Variants in CAPN13 observed in about 807,000 individuals in gnomAD.
The protein encoded by CAPN13 is calpain 13.
A neutral mutation model predicts 98.4 loss-of-function variants in CAPN13; 90 were observed. The ratio of observed to expected loss-of-function variants is 0.92; its 90% CI spans 0.77 to 1.09. CAPN13 has a LOEUF of 1.09. Among genes scored for constraint, CAPN13 ranks in the 50% least tolerant of loss-of-function variants. The pLI, the probability that CAPN13 is intolerant of heterozygous loss-of-function variation, is 0.00. For synonymous variants in CAPN13, 330 were observed against 305.5 expected (o/e 1.08, Z -0.84); for missense variants, 887 against 841.3 (o/e 1.05, Z -0.67).
chr2:30,723,498 A>G (rs1473937682), intron 22 of CAPN13, among the ~76,000 whole-genome samples: 1 of 152,096 alleles, frequency 6.6e-6, no homozygotes, highest in Non-Finnish European at 1.5e-5. Context: ...GCTTGAGTTC[A>G]TATCATAGCC....
intron 19 of CAPN13, 105 bp downstream of exon 19, chr2:30,734,344 T>C (rs1671248194): frequency 1.2e-6 from 1 of 849,170 alleles, no homozygotes; most frequent in South Asian, 1.5e-5. Flanking sequence ...AGCGCTCCTC[T>C]CTCCTGATTG....
chr2:30,754,181 T>A (rs1199663148), intron 9 of CAPN13, 109 bp downstream of exon 9: 2 of 823,482 alleles, frequency 2.4e-6, no homozygotes, highest in Non-Finnish European at 3.6e-6. Flanking sequence ...TCTAAACAGG[T>A]CTCTGCAAAG....
chr2:30,744,557 G>A (rs575849663), intron 12 of CAPN13, among the ~76,000 whole-genome samples: 19 of 152,154 alleles, frequency 1.2e-4, no homozygotes, highest in African/African-American at 1.9e-4. Flanking sequence ...GAGGCAGTGG[G>A]CATGCAGAGG....
chr2:30,738,513 C>T (rs534938595), intron 15 of CAPN13, 56 bp from the exon 16 acceptor site: 2 of 1,521,480 alleles, frequency 1.3e-6, no homozygotes, highest in African/African-American at 2.8e-5. Context: ...ATCTGAGAGG[C>T]ACATCTGCCT....
intron 22 of CAPN13, among the ~76,000 whole-genome samples, chr2:30,725,835 T>G (rs1429962456): frequency 6.6e-6 from 1 of 152,226 alleles, no homozygotes; most frequent in Non-Finnish European, 1.5e-5. Context: ...AATTTTCAAA[T>G]TTTTCAAAAA....
At chr2:30,731,112 C>T (rs990312910) in intron 21 of CAPN13, among the ~76,000 whole-genome samples, 4 of 152,220 alleles carry the variant, frequency 2.6e-5, no homozygotes, top group African/African-American at 9.6e-5. Flanking sequence ...ATGACTCCCA[C>T]ATAATCCTCT....
intron 4 of CAPN13, among the ~76,000 whole-genome samples, chr2:30,771,089 C>G (rs903330069): frequency 6.6e-6 from 1 of 152,208 alleles, no homozygotes; most frequent in African/African-American, 2.4e-5. Context: ...TGGCTGGCAT[C>G]GCTACTGCTA....
Position 30,743,508 on chromosome 2 carries a change from TTTA to T in CAPN13, c.1317_1319del (p.Asn439del), listed in dbSNP as rs745370640. On this transcript the variant is annotated inframe_deletion, in exon 13 of 23. Coordinates refer to ENST00000295055, the MANE Select transcript of CAPN13 (RefSeq NM_144575.3). ...AAGTCATGGTGAAGTTGCGGCGGAA[TTTA>T]TTATTTGAGCTTTGGACAGTGTTTC... is the stretch of plus-strand genomic sequence containing the variant. The T allele has an allele frequency of 5.0e-6, 8 of 1,613,880 alleles. No homozygotes were observed. Among genetic ancestry groups the T allele is most frequent in the Admixed American group, 1.7e-5 (1 of 60,000 alleles).
chr2:30,761,895 G>T (rs949719315), intron 7 of CAPN13, among the ~76,000 whole-genome samples: 4 of 152,332 alleles, frequency 2.6e-5, no homozygotes, highest in Admixed American at 6.5e-5. Context: ...AGGAGGAGAG[G>T]CCAGGCAAGT....
chr2:30,795,101 A>G (rs1000298201), intron 1 of CAPN13, among the ~76,000 whole-genome samples: 1 of 152,048 alleles, frequency 6.6e-6, no homozygotes, highest in Non-Finnish European at 1.5e-5. Flanking sequence ...CCTGCACCCC[A>G]TGGTTAAAAA....
intron 2 of CAPN13, 36 bp downstream of exon 2, chr2:30,787,092 C>G (rs1674323745): frequency 6.7e-7 from 1 of 1,493,430 alleles, no homozygotes; most frequent in Non-Finnish European, 9.0e-7. Flanking sequence ...CTCCGAGGAC[C>G]CTGGAGCTGG....
In CAPN13 at chr2:30,787,147, A is replaced by G. The variant is rs1674329702; in HGVS notation, c.179T>C (p.Val60Ala). The change falls in exon 2 of 23, where the codon GTG becomes GCG. Residue 60 changes from valine to alanine, a missense_variant. Val to Ala is a moderately conservative substitution (Grantham distance 64, BLOSUM62 0). Coordinates refer to ENST00000295055, the MANE Select transcript of CAPN13 (RefSeq NM_144575.3). ...KLLQEKRLSN[V>A]IWKRPQDLPG... ...ACTCACCTGTGGCCGCTTCCATATC[A>G]CATTGGAGAGGCGTTTTTCCTGGAG... is the stretch of plus-strand genomic sequence containing the variant. 8.9e-6 allele frequency: 14 copies of G among 1,571,504 alleles called. No homozygotes were observed. In the East Asian group the frequency reaches 3.3e-4, roughly 37 times the overall value.
In CAPN13 at chr2:30,725,648, T is replaced by C. The variant is rs562467384; in HGVS notation, c.*31-2412A>G. On this transcript the variant is annotated intron_variant, in intron 22 of 22. Coordinates refer to ENST00000295055, the MANE Select transcript of CAPN13 (RefSeq NM_144575.3). ...CAGGGACACTTTGTAACACGGAGGA[T>C]CAAGTGAGCAAGGAGAGGGACTTCT... Among the ~76,000 whole-genome samples the C allele has an allele frequency of 5.9e-5, 9 of 152,202 alleles. No homozygotes were observed. In the South Asian group the frequency reaches 1.9e-3, roughly 32 times the overall value.
chr2:30,775,781 G>T, intron 4 of CAPN13, 149 bp downstream of exon 4: 1 of 461,094 alleles, frequency 2.2e-6, no homozygotes, highest in Non-Finnish European at 3.9e-6. Context: ...TTATAAGCTT[G>T]AATCCTTTTT....
rs547370030 is a variant in CAPN13 at position 30,769,645 on chromosome 2, G to A, written c.524+668C>T. ...CTCAATAAACATCTGCTGAATAAAA[G>A]CAACCCAAAGAATCTAAGTACGACA... On this transcript the variant is annotated intron_variant, in intron 5 of 22. Coordinates refer to ENST00000295055, the MANE Select transcript of CAPN13 (RefSeq NM_144575.3). Among the ~76,000 whole-genome samples, 6 of 152,276 alleles carry A rather than the reference G, an allele frequency of 3.9e-5. No individual in the cohort carries two copies. In the East Asian group the frequency reaches 1.2e-3, roughly 29 times the overall value.
chr2:30,760,890 C>T lies in CAPN13; in HGVS notation c.774+2192G>A, dbSNP rs1369078529. On this transcript the variant is annotated intron_variant, in intron 7 of 22. Transcript: ENST00000295055. Reference sequence around the variant, plus strand: ...GCCTCTGACTCTGCCTCTGACCCTGCTCAGTGCTCAGAAAAGGTGCTACTG... The same window carrying T: ...GCCTCTGACTCTGCCTCTGACCCTGTTCAGTGCTCAGAAAAGGTGCTACTG... 2.6e-5 allele frequency among the ~76,000 whole-genome samples: 4 copies of T among 152,236 alleles called. No homozygotes were observed. In the East Asian group the frequency reaches 7.7e-4, roughly 29 times the overall value.
chr2:30,794,214 A>C (rs936447082), intron 1 of CAPN13, among the ~76,000 whole-genome samples: 1 of 151,856 alleles, frequency 6.6e-6, no homozygotes, highest in African/African-American at 2.4e-5. Flanking sequence ...TAATCAGAAA[A>C]AAAACCCACT....
At chr2:30,791,569 G>A (rs1282010568) in intron 1 of CAPN13, among the ~76,000 whole-genome samples, 6 of 152,202 alleles carry the variant, frequency 3.9e-5, no homozygotes, top group East Asian at 3.8e-4. Flanking sequence ...GAAAGCCTTC[G>A]ATAAAGAAAC....
At chr2:30,751,430 G>T (rs1185601641) in intron 10 of CAPN13, among the ~76,000 whole-genome samples, 179 bp from the exon 11 acceptor site, 1 of 152,166 alleles carries the variant, frequency 6.6e-6, no homozygotes, top group Admixed American at 6.5e-5. Context: ...TCTAAACCTT[G>T]GTTTCCTCCT....
Sources: allele counts gnomAD v4.1 joint callset (sites outside exome capture counted in the v4.1 genomes callset), GRCh38; gene constraint gnomAD v4.1.1; transcripts MANE v1.5; gene names NCBI Gene and HGNC (gene_info 2026-07-23, HGNC 2026-07-21).